SLF1: variants seen among roughly 807,000 people sequenced by gnomAD.
SLF1 encodes the protein SMC5/6 complex localization factor 1, also known as SMC5-SMC6 complex localization factor protein 1.
SLF1 carries 105 observed loss-of-function variants against 123.0 expected under a neutral mutation model. That is an observed-to-expected ratio of 0.85 (90% CI 0.73 to 1.00). The LOEUF (loss-of-function observed/expected upper bound fraction) is 1.00, where lower values mean the gene tolerates loss of function less well. SLF1 is among the 50% of genes least tolerant of loss of function. The probability of loss-of-function intolerance (pLI) is 0.00; values close to 1 mark genes in which losing one functional copy is unlikely to be tolerated. For missense variants in SLF1, 1,239 were observed against 1,223.0 expected (o/e 1.01, Z -0.20); for synonymous variants, 434 against 406.6 (o/e 1.07, Z -0.81).
At chr5:94,624,720 T>A (rs145358274) in intron 1 of SLF1, among the ~76,000 whole-genome samples, 2 of 152,250 alleles carry the variant, frequency 1.3e-5, no homozygotes, top group African/African-American at 4.8e-5. Context: ...TATATTCCGA[T>A]TATTTAACAT....
At chr5:94,666,291 A>G (rs1006726364) in intron 12 of SLF1, among the ~76,000 whole-genome samples, 1 of 152,228 alleles carries the variant, frequency 6.6e-6, no homozygotes, top group African/African-American at 2.4e-5. Context: ...TTAACAAAAT[A>G]GAAATTTGTG....
intron 4 of SLF1, among the ~76,000 whole-genome samples, chr5:94,640,664 CT>C (rs200799288): frequency 1.3e-5 from 2 of 151,584 alleles, no homozygotes; most frequent in African/African-American, 4.8e-5. Flanking sequence ...ATGCTTTGTT[CT>C]TTTTTTAAAA....
At chr5:94,637,414 G>A (rs1004081413) in intron 4 of SLF1, among the ~76,000 whole-genome samples, 1 of 152,086 alleles carries the variant, frequency 6.6e-6, no homozygotes, top group African/African-American at 2.4e-5. Flanking sequence ...CAATCAGGCA[G>A]AGCTGCAGGC....
intron 1 of SLF1, among the ~76,000 whole-genome samples, chr5:94,625,415 G>A (rs992366141): frequency 1.3e-5 from 2 of 150,748 alleles, no homozygotes; most frequent in African/African-American, 4.9e-5. Flanking sequence ...ACAGAGTCTC[G>A]CTCTGTCACC....
At chr5:94,640,272 A>T (rs891950095) in intron 4 of SLF1, among the ~76,000 whole-genome samples, 1 of 152,122 alleles carries the variant, frequency 6.6e-6, no homozygotes, top group African/African-American at 2.4e-5. Flanking sequence ...TTATGGGTCG[A>T]CAGTTTTTTT....
At chr5:94,692,928 T>C (rs948882973) in intron 20 of SLF1, among the ~76,000 whole-genome samples, 11 of 152,154 alleles carry the variant, frequency 7.2e-5, no homozygotes, top group African/African-American at 2.7e-4. Context: ...CTAAACTGAA[T>C]AATATAAATT....
At chr5:94,692,285 G>C (rs372796273) in intron 20 of SLF1, 29 bp downstream of exon 20, 46 of 1,592,532 alleles carry the variant, frequency 2.9e-5, no homozygotes, top group Non-Finnish European at 3.8e-5. Flanking sequence ...AATGGGTTTT[G>C]ATAAATTATC....
Position 94,695,427 on chromosome 5 carries a change from T to G in SLF1, c.*115T>G. On this transcript the variant is annotated 3_prime_UTR_variant, in exon 21 of 21. Coordinates refer to ENST00000265140, the MANE Select transcript of SLF1 (RefSeq NM_032290.4). ...ATTTGATTTATTTATTGACAGACTT[T>G]GCAGCCTTGCTAAATTTTAAAAGCA... The G allele has an allele frequency of 8.0e-7, 1 of 1,243,016 alleles. No individual in the cohort carries two copies. Among genetic ancestry groups the G allele is most frequent in the Non-Finnish European group, 1.1e-6 (1 of 949,938 alleles). 77.0% of individuals were successfully genotyped at this position (1,243,016 alleles called of 1,614,324 possible).
rs778873936 is a variant in SLF1 at position 94,692,186 on chromosome 5, G to A, written c.2625G>A (p.Gly875=). 1.2e-5 allele frequency: 20 copies of A among 1,613,712 alleles called. No individual in the cohort carries two copies. In the African/African-American group the frequency reaches 1.9e-4, roughly 15 times the overall value. ...PEVDLLTQVD[G]VTPLHDALSN... ...TAGATCTGCTCACTCAAGTGGACGGGGTGACTCCTTTGCATGATGCACTGT... is the reference window on the plus strand; with the variant it reads ...TAGATCTGCTCACTCAAGTGGACGGAGTGACTCCTTTGCATGATGCACTGT... The change falls in exon 20 of 21, where the codon GGG becomes GGA. Residue 875 remains glycine, a synonymous_variant. Coordinates refer to ENST00000265140, the MANE Select transcript of SLF1 (RefSeq NM_032290.4).
chr5:94,689,326 A>C (rs1319999905), intron 17 of SLF1, 147 bp from the exon 18 acceptor site: 1 of 827,450 alleles, frequency 1.2e-6, no homozygotes, highest in African/African-American at 1.8e-5. Flanking sequence ...AGTTGAAATA[A>C]ATTTTAAAAT....
chr5:94,665,832 T>G, intron 11 of SLF1, 29 bp from the exon 12 acceptor site: 1 of 1,509,282 alleles, frequency 6.6e-7, no homozygotes, highest in South Asian at 1.2e-5. Context: ...CTATAGTGTT[T>G]TATTTGTTTG....
intron 4 of SLF1, among the ~76,000 whole-genome samples, chr5:94,636,175 G>A (rs1745749933): frequency 6.6e-6 from 1 of 152,120 alleles, no homozygotes; most frequent in South Asian, 2.1e-4. Context: ...GACTCTTGTA[G>A]GTGATATGTT....
intron 5 of SLF1, among the ~76,000 whole-genome samples, chr5:94,644,130 C>T (rs760983485): frequency 1.3e-5 from 2 of 152,116 alleles, no homozygotes; most frequent in Admixed American, 6.5e-5. Context: ...AACCACTTCT[C>T]TCTTTCTGTA....
At chr5:94,664,010 G>A (rs1435915851) in intron 11 of SLF1, 102 bp downstream of exon 11, 6 of 1,216,044 alleles carry the variant, frequency 4.9e-6, no homozygotes, top group Non-Finnish European at 5.5e-6. Flanking sequence ...TCCCTGTTCA[G>A]TGTTTTTTTT....
In SLF1 at chr5:94,686,701, C is replaced by G; in HGVS notation, c.2104C>G (p.Leu702Val). 3 of 1,613,936 alleles carry G rather than the reference C, an allele frequency of 1.9e-6. No homozygotes were observed. The highest frequency in any genetic ancestry group is 2.5e-6 in the Non-Finnish European group (3 of 1,179,922). The change falls in exon 16 of 21, where the codon CTC becomes GTC. Residue 702 changes from leucine (L) to valine (V), a missense_variant. By Grantham distance (32) the Leu-to-Val change is conservative. Coordinates refer to ENST00000265140, the MANE Select transcript of SLF1 (RefSeq NM_032290.4). ...QSSGSVSSEPLSLQKMVYSYL... is the reference protein window; with the variant it reads ...QSSGSVSSEPVSLQKMVYSYL... ...CTCTGGCAGTGTTTCTTCTGAGCCA[C>G]TCTCTCTTCAGAAAATGGTAAGTAC...
At chr5:94,665,814 A>G in intron 11 of SLF1, 47 bp from the exon 12 acceptor site, 1 of 1,469,294 alleles carries the variant, frequency 6.8e-7, no homozygotes, top group Non-Finnish European at 9.2e-7. Context: ...GAGTCAAACT[A>G]CTTTTAGCTA....
At chr5:94,625,896 A>G (rs1792194332) in intron 1 of SLF1, among the ~76,000 whole-genome samples, 1 of 152,150 alleles carries the variant, frequency 6.6e-6, no homozygotes, top group Non-Finnish European at 1.5e-5. Context: ...TTGCTGGTCC[A>G]TATTGTTAAT....
chr5:94,665,188 C>T (rs1446189842), intron 11 of SLF1, among the ~76,000 whole-genome samples: 1 of 152,116 alleles, frequency 6.6e-6, no homozygotes, highest in Non-Finnish European at 1.5e-5. Context: ...TGGCTCACAC[C>T]TGTAATTCCA....
In SLF1 at chr5:94,654,690, A is replaced by C. The variant is rs190144448; in HGVS notation, c.1093A>C (p.Lys365Gln). ...YAKESKAMAI[K>Q]TDVDVVEIKN... ...CAAAGAATCAAAAGCCATGGCTATT[A>C]AGACAGATGTGGATGTTGTTGAAAT... The change falls in exon 9 of 21, where the codon AAG becomes CAG. Residue 365 changes from lysine (K) to glutamine (Q), a missense_variant. Physicochemically the swap from Lys to Gln is moderately conservative, Grantham distance 53. Transcript: ENST00000265140. 494 of 1,546,146 alleles carry C rather than the reference A, an allele frequency of 3.2e-4. 6 individuals are homozygous for C. In the Middle Eastern group the frequency reaches 0.013, roughly 41 times the overall value.
Sources: allele counts gnomAD v4.1 joint callset (sites outside exome capture counted in the v4.1 genomes callset), GRCh38; gene constraint gnomAD v4.1.1; transcripts MANE v1.5; gene names NCBI Gene and HGNC (gene_info 2026-07-23, HGNC 2026-07-21).